The following PAX2 variants were observed in gnomAD, a reference collection of about 807,000 sequenced individuals.
The protein encoded by PAX2 is paired box protein Pax-2.
A neutral mutation model predicts 41.7 loss-of-function variants in PAX2; 9 were observed. The observed-to-expected ratio is 0.22, with a 90% CI of 0.13 to 0.38. The LOEUF is 0.38. Ranked by LOEUF, PAX2 falls within the 10% of genes least tolerant of loss-of-function variation. The pLI, the probability that PAX2 is intolerant of heterozygous loss-of-function variation, is 1.00. For synonymous variants in PAX2, 221 were observed against 212.7 expected, an observed-to-expected ratio of 1.04 and a Z score of -0.34; for missense variants, 418 against 531.6, an observed-to-expected ratio of 0.79 and a Z score of 2.10.
Position 100,807,325 on chromosome 10 carries a change from A to G in PAX2, c.792+720A>G, listed in dbSNP as rs547242425. On this transcript the variant is annotated intron_variant, in intron 6 of 9. Coordinates refer to ENST00000355243, the MANE Select transcript of PAX2 (RefSeq NM_000278.5). The stretch of plus-strand genomic sequence containing the variant: ...ACAGCCCATGGTACTGTGCTCACAC[A>G]CCACTGTCCACCTGCTCCCCCACCC... Among the ~76,000 whole-genome samples, 83 of 142,972 alleles carry G rather than the reference A, an allele frequency of 5.8e-4. 1 individual carries two copies. In the South Asian group the frequency reaches 0.019, roughly 32 times the overall value. The allele number at this position is 142,972 out of a possible 152,430, so 93.8% of individuals were successfully genotyped here. A position where few individuals can be genotyped will look rare whatever the true frequency, so the allele number is the denominator to read the frequency against.
upstream of PAX2, among the ~76,000 whole-genome samples, chr10:100,744,236 G>C (rs1845065287): frequency 6.6e-6 from 1 of 152,246 alleles, no homozygotes; most frequent in African/African-American, 2.4e-5. Flanking sequence ...GACGGGGGCT[G>C]GAGGAATCTC....
intron 3 of PAX2, among the ~76,000 whole-genome samples, chr10:100,769,674 A>AAAAT (rs1564717092): frequency 5.2e-5 from 7 of 134,046 alleles, no homozygotes; most frequent in East Asian, 4.1e-4. Context: ...TAAAATAAAA[A>AAAAT]AATAAAAAAC....
intron 5 of PAX2, among the ~76,000 whole-genome samples, chr10:100,789,678 GTCAGCAC>G (rs1343794248): frequency 2.6e-5 from 4 of 152,148 alleles, no homozygotes; most frequent in African/African-American, 7.2e-5. Flanking sequence ...AGGTTCAAAG[GTCAGCAC>G]TCACCAAAAC....
intron 3 of PAX2, among the ~76,000 whole-genome samples, chr10:100,762,859 T>C (rs1033035357): frequency 6.6e-6 from 1 of 152,186 alleles, no homozygotes; most frequent in Non-Finnish European, 1.5e-5. Context: ...AGAGTGTCAG[T>C]ATGCAGAGGG....
At chr10:100,735,575 G>A in exon 1 of PAX2, 1 of 713,484 alleles carries the variant, frequency 1.4e-6, no homozygotes, top group Non-Finnish European at 1.8e-6. Context: ...GGTTATCTGA[G>A]CCGCTTGGTG....
intron 1 of PAX2, among the ~76,000 whole-genome samples, 163 bp downstream of exon 1, chr10:100,746,466 A>C (rs1845179367): frequency 6.6e-6 from 1 of 151,704 alleles, no homozygotes; most frequent in African/African-American, 2.4e-5. Flanking sequence ...CGGTGTTTCT[A>C]ATGCCTCCAG....
intron 1 of PAX2, among the ~76,000 whole-genome samples, chr10:100,738,600 G>T (rs1021261785): frequency 3.9e-5 from 6 of 152,178 alleles, no homozygotes; most frequent in African/African-American, 1.4e-4. Context: ...ATTGAAAGGG[G>T]CTTCCTCCCT....
At position 100,791,503 on chromosome 10, in the gene PAX2, C is replaced by A. The variant is rs1045323036; in HGVS notation, c.616+10138C>A. ...CCAGGAACCTGCATTAAAGTAAATG[C>A]AGTTTATGAAGTTTATGCTTTCCTC... On this transcript the variant is annotated intron_variant, in intron 5 of 9. Coordinates refer to ENST00000355243, the MANE Select transcript of PAX2 (RefSeq NM_000278.5). This position sits in a 1 kb window ranked among gnomAD's most constrained non-coding sequence, Gnocchi z 4.5. Among the ~76,000 whole-genome samples the A allele has an allele frequency of 6.6e-6, 1 of 152,160 alleles. No homozygotes were observed. The highest frequency in any genetic ancestry group is 2.1e-4 in the South Asian group (1 of 4,832).
In PAX2 at chr10:100,764,136, ATTTTTTTTTT is replaced by A. The variant is rs145391942; in HGVS notation, c.410+13261_410+13270del. Among the ~76,000 whole-genome samples the A allele has an allele frequency of 3.3e-4, 34 of 103,762 alleles. No individual in the cohort carries two copies. In the South Asian group the frequency reaches 0.011, roughly 32 times the overall value. 68.1% of individuals were successfully genotyped at this position (103,762 alleles called of 152,430 possible). A position where few individuals can be genotyped will look rare whatever the true frequency, so the allele number is the denominator to read the frequency against. Reference sequence around the variant, plus strand: ...TGCTTTGTGTATGCACAAACATTGAATTTTTTTTTTTTTTTTTTTTTTTTTGAGAAAGAGT... The same window carrying A: ...TGCTTTGTGTATGCACAAACATTGAATTTTTTTTTTTTTTTGAGAAAGAGT... On this transcript the variant is annotated intron_variant, in intron 3 of 9. Coordinates refer to ENST00000355243, the MANE Select transcript of PAX2 (RefSeq NM_000278.5).
intron 5 of PAX2, chr10:100,787,161 A>G (rs1846902084): frequency 2.5e-6 from 1 of 401,906 alleles, no homozygotes; most frequent in African/African-American, 2.1e-5. Flanking sequence ...CTGGAGGCTA[A>G]CAGAGTCTCA....
chr10:100,819,253 A>C lies in PAX2; in HGVS notation c.920-5395A>C, dbSNP rs35906617. ...ACAGAGCAAGACTCTGTCTCAAAAA[A>C]AAAAAAGGGGGGGGAGTTTAAAAAC... On this transcript the variant is annotated intron_variant, in intron 7 of 9. Coordinates refer to ENST00000355243, the MANE Select transcript of PAX2 (RefSeq NM_000278.5). Among the ~76,000 whole-genome samples, 959 of 149,580 alleles carry C rather than the reference A, an allele frequency of 6.4e-3. 8 individuals are homozygous for C. Among genetic ancestry groups the C allele is most frequent in the Non-Finnish European group, 8.8e-3 (594 of 67,620 alleles).
chr10:100,821,361 T>C (rs1384899016), intron 7 of PAX2, among the ~76,000 whole-genome samples: 2 of 152,246 alleles, frequency 1.3e-5, no homozygotes, highest in Non-Finnish European at 2.9e-5. Context: ...GTGGAGATAC[T>C]GGTGTTATAG....
rs1405741582 is a variant in PAX2, at chr10:100,827,047, T to G, written c.1060T>G (p.Tyr354Asp). ...FSGNPYSHPQYTAYNEAWRFS... is the reference protein window; with the variant it reads ...FSGNPYSHPQDTAYNEAWRFS... ...CGGCAACCCGTACAGCCACCCCCAGTACACGGCCTACAACGAGGCTTGGAG... is the reference window on the plus strand; with the variant it reads ...CGGCAACCCGTACAGCCACCCCCAGGACACGGCCTACAACGAGGCTTGGAG... The change falls in exon 9 of 10, where the codon TAC (tyrosine) becomes GAC (aspartate). Residue 354 changes from tyrosine to aspartate, a missense_variant. This residue lies in a region of PAX2 where 310 missense variants were observed against 325.2 expected (regional missense o/e 0.95). Coordinates refer to ENST00000355243, the MANE Select transcript of PAX2 (RefSeq NM_000278.5). The surrounding 1 kb of genome is among the most constrained non-coding windows in gnomAD (Gnocchi z 8.5). 6.2e-7 allele frequency: 1 copy of G among 1,613,648 alleles called. No individual in the cohort carries two copies. Among genetic ancestry groups the G allele is most frequent in the South Asian group, 1.1e-5 (1 of 91,088 alleles).
chr10:100,769,626 GAATAAAATAAAATAAAATAA>G (rs60896393), intron 3 of PAX2, among the ~76,000 whole-genome samples: 5 of 126,994 alleles, frequency 3.9e-5, no homozygotes, highest in South Asian at 2.6e-4. Context: ...ATCTCAAAAA[GAATAAAATAAAATAAAATAA>G]AATAAAATAA....
At chr10:100,816,861 C>T (rs769960711) in intron 7 of PAX2, among the ~76,000 whole-genome samples, 1 of 152,130 alleles carries the variant, frequency 6.6e-6, no homozygotes, top group East Asian at 1.9e-4. Flanking sequence ...CTGCAGGGCT[C>T]GGAGAACAGC....
At chr10:100,821,118 T>C (rs1848368705) in intron 7 of PAX2, among the ~76,000 whole-genome samples, 1 of 152,232 alleles carries the variant, frequency 6.6e-6, no homozygotes, top group Admixed American at 6.5e-5. Flanking sequence ...AGAGGCTTGC[T>C]CAAAGAATGC....
intron 3 of PAX2, among the ~76,000 whole-genome samples, chr10:100,773,837 C>T (rs1278057456): frequency 6.6e-6 from 1 of 152,164 alleles, no homozygotes; most frequent in Non-Finnish European, 1.5e-5. Flanking sequence ...GACTTGTGCT[C>T]AGCACTCTGC....
chr10:100,737,080 C>G (rs921418511), intron 1 of PAX2, among the ~76,000 whole-genome samples: 2 of 152,210 alleles, frequency 1.3e-5, no homozygotes, highest in African/African-American at 4.8e-5. Flanking sequence ...TACCTCCTGT[C>G]CCCTGCCCTC....
intron 3 of PAX2, among the ~76,000 whole-genome samples, chr10:100,752,919 C>A (rs1454882972): frequency 1.3e-5 from 2 of 152,276 alleles, no homozygotes; most frequent in East Asian, 1.9e-4. Context: ...TGAGGTGCAC[C>A]CACCAGAATT....
Sources: allele counts gnomAD v4.1 joint callset (sites outside exome capture counted in the v4.1 genomes callset), GRCh38; gene constraint gnomAD v4.1.1; regional missense constraint gnomAD v4.1.1; non-coding constraint Gnocchi (gnomAD v3.1); transcripts MANE v1.5; gene names NCBI Gene and HGNC (gene_info 2026-07-23, HGNC 2026-07-21).